The following TTLL9 variants were observed in gnomAD, a reference collection of about 807,000 sequenced individuals.
TTLL9 encodes tubulin tyrosine ligase like 9, also known as probable tubulin polyglutamylase TTLL9.
Under a neutral mutation model 65.6 loss-of-function variants are expected in TTLL9, and 47 were observed. The ratio of observed to expected loss-of-function variants is 0.72; its 90% CI spans 0.57 to 0.91. TTLL9 has a LOEUF of 0.91. TTLL9 is among the 40% of genes least tolerant of loss of function. TTLL9 has a pLI of 0.00. For synonymous variants in TTLL9, 179 were observed against 204.8 expected, an observed-to-expected ratio of 0.87 and a Z score of 1.07; for missense variants, 537 against 568.8, an observed-to-expected ratio of 0.94 and a Z score of 0.57.
chr20:31,873,516 G>C (rs1286344212), intron 2 of TTLL9, among the ~76,000 whole-genome samples: 2 of 151,732 alleles, frequency 1.3e-5, no homozygotes, highest in African/African-American at 4.8e-5. Flanking sequence ...AAAATTAGCC[G>C]GGTGTGGTGG....
chr20:31,930,639 C>T (rs945775203), intron 10 of TTLL9, among the ~76,000 whole-genome samples: 1 of 152,158 alleles, frequency 6.6e-6, no homozygotes, highest in African/African-American at 2.4e-5. Context: ...TTAATTTTTG[C>T]ATTGACATCT....
At chr20:31,893,229 A>G (rs1177018576) in intron 3 of TTLL9, among the ~76,000 whole-genome samples, 2 of 151,900 alleles carry the variant, frequency 1.3e-5, no homozygotes, top group Non-Finnish European at 2.9e-5. Context: ...AGCACTTGAA[A>G]GATGATATTC....
At chr20:31,913,935 G>A (rs1401146755) in intron 6 of TTLL9, among the ~76,000 whole-genome samples, 2 of 152,190 alleles carry the variant, frequency 1.3e-5, no homozygotes, top group Non-Finnish European at 2.9e-5. Flanking sequence ...GCGGGGAGGC[G>A]ACTGCTTGGC....
intron 13 of TTLL9, 30 bp downstream of exon 13, chr20:31,937,539 C>A: frequency 6.4e-7 from 1 of 1,563,870 alleles, no homozygotes; most frequent in Non-Finnish European, 8.8e-7. Flanking sequence ...ATCACATGTC[C>A]TTGTACATGA....
chr20:31,943,793 C>T lies in TTLL9; in HGVS notation c.*772C>T. 2.2e-6 allele frequency: 1 copy of T among 456,628 alleles called. No individual in the cohort carries two copies. Among genetic ancestry groups the T allele is most frequent in the South Asian group, 1.5e-5 (1 of 64,564 alleles). The allele number at this position is 456,628 out of a possible 1,614,324, so 28.3% of individuals were successfully genotyped here. A position where few individuals can be genotyped will look rare whatever the true frequency, so the allele number is the denominator to read the frequency against. On this transcript the variant is annotated 3_prime_UTR_variant, in exon 15 of 15. Coordinates refer to ENST00000535842, the MANE Select transcript of TTLL9 (RefSeq NM_001008409.5). The stretch of plus-strand genomic sequence containing the variant: ...CTTGTGTTTGAGATTGGGAGCTGAG[C>T]CAGAAACCGGAAAACCCTGGGCTCA...
chr20:31,910,000 C>T, intron 6 of TTLL9, 78 bp downstream of exon 6: 1 of 1,420,132 alleles, frequency 7.0e-7, no homozygotes, highest in Non-Finnish European at 9.7e-7. Context: ...GCAGACACTG[C>T]CTGGGAATTC....
chr20:31,870,709 G>C lies in TTLL9; in HGVS notation c.-246G>C. On this transcript the variant is annotated 5_prime_UTR_variant, in exon 1 of 15. Transcript: ENST00000535842. The surrounding 1 kb of genome is among the most constrained non-coding windows in gnomAD (Gnocchi z 6.6). The stretch of plus-strand genomic sequence containing the variant: ...GTGGGGCCGCCACCTCCGGAGGTGG[G>C]GGCGGGGGCCTTACCCCACCCTGGC... 4 of 754,202 alleles carry C rather than the reference G, an allele frequency of 5.3e-6. No homozygotes were observed. The highest frequency in any genetic ancestry group is 3.4e-5 in the East Asian group (1 of 29,194). The allele number at this position is 754,202 out of a possible 1,614,324, so 46.7% of individuals were successfully genotyped here.
Position 31,880,496 on chromosome 20 carries a change from C to CT in TTLL9, c.70-6685dup, listed in dbSNP as rs781656694. Among the ~76,000 whole-genome samples the CT allele has an allele frequency of 4.8e-3, 684 of 142,884 alleles. 1 individual carries two copies. Among genetic ancestry groups the CT allele is most frequent in the African/African-American group, 9.3e-3 (365 of 39,296 alleles). The allele number at this position is 142,884 out of a possible 152,430, so 93.7% of individuals were successfully genotyped here. A position where few individuals can be genotyped will look rare whatever the true frequency, so the allele number is the denominator to read the frequency against. Reference sequence around the variant, plus strand: ...ATTCAGCTCTCCGCACCCCAACCGACTTTTTTTTTTTTTTTGAGACGGAGT... The same window carrying CT: ...ATTCAGCTCTCCGCACCCCAACCGACTTTTTTTTTTTTTTTTGAGACGGAGT... On this transcript the variant is annotated intron_variant, in intron 2 of 14. Coordinates refer to ENST00000535842, the MANE Select transcript of TTLL9 (RefSeq NM_001008409.5).
chr20:31,911,899 C>A (rs1013446358), intron 6 of TTLL9, among the ~76,000 whole-genome samples: 3 of 150,910 alleles, frequency 2.0e-5, no homozygotes, highest in Admixed American at 6.6e-5. Flanking sequence ...TTGCGAGGCA[C>A]CCTGTCTCGG....
At chr20:31,932,826 A>G (rs1038544292) in intron 10 of TTLL9, among the ~76,000 whole-genome samples, 2 of 152,162 alleles carry the variant, frequency 1.3e-5, no homozygotes, top group Middle Eastern at 6.8e-3. Flanking sequence ...GTGAAACCCC[A>G]TCTCTACTAA....
Position 31,870,953 on chromosome 20 carries a change from G to C in TTLL9, c.-6+4G>C. On this transcript the variant is annotated splice_donor_region_variant and intron_variant, in intron 1 of 14. Transcript: ENST00000535842. The surrounding 1 kb of genome is among the most constrained non-coding windows in gnomAD (Gnocchi z 6.6). ...GAGTCTGCTTGGAACGGGATAAGTG[G>C]GTAATTCCTTCCGATACATCCTCTC... The C allele has an allele frequency of 1.5e-6, 1 of 688,026 alleles. No homozygotes were observed. 42.6% of individuals were successfully genotyped at this position (688,026 alleles called of 1,614,324 possible). A position where few individuals can be genotyped will look rare whatever the true frequency, so the allele number is the denominator to read the frequency against.
intron 14 of TTLL9, chr20:31,939,489 A>C: frequency 2.5e-6 from 1 of 397,142 alleles, no homozygotes; most frequent in Non-Finnish European, 4.5e-6. Flanking sequence ...ATTCACACTC[A>C]TTGTAGAATA....
chr20:31,912,268 G>C (rs1323424047), intron 6 of TTLL9, among the ~76,000 whole-genome samples: 1 of 152,140 alleles, frequency 6.6e-6, no homozygotes, highest in African/African-American at 2.4e-5. Flanking sequence ...TACAGTGCCC[G>C]TGCAGCATCC....
At chr20:31,872,078 G>A (rs1230914436) in intron 2 of TTLL9, among the ~76,000 whole-genome samples, 1 of 152,110 alleles carries the variant, frequency 6.6e-6, no homozygotes, top group Non-Finnish European at 1.5e-5. Flanking sequence ...TATGCAGCTA[G>A]TAGCTACATA....
chr20:31,896,887 G>A (rs1444632463), intron 3 of TTLL9, among the ~76,000 whole-genome samples: 1 of 152,124 alleles, frequency 6.6e-6, no homozygotes, highest in African/African-American at 2.4e-5. Flanking sequence ...ACTCCGCTTG[G>A]TTATGGTGTA....
intron 10 of TTLL9, among the ~76,000 whole-genome samples, chr20:31,932,773 G>A (rs911329798): frequency 1.3e-5 from 2 of 152,072 alleles, no homozygotes; most frequent in African/African-American, 4.8e-5. Flanking sequence ...GAGGCGGGTG[G>A]ATTACTTGAG....
chr20:31,884,491 T>C (rs750039111), intron 2 of TTLL9, among the ~76,000 whole-genome samples: 27 of 152,150 alleles, frequency 1.8e-4, no homozygotes, highest in Admixed American at 4.6e-4. Context: ...CCTCCCAAAG[T>C]GCTGGGATTA....
intron 3 of TTLL9, among the ~76,000 whole-genome samples, chr20:31,890,650 A>G (rs2063296818): frequency 6.6e-6 from 1 of 152,218 alleles, no homozygotes; most frequent in African/African-American, 2.4e-5. Flanking sequence ...AAGGTGCATC[A>G]TCGACAGGTA....
chr20:31,934,585 C>A, intron 11 of TTLL9, 107 bp from the exon 12 acceptor site: 2 of 1,094,808 alleles, frequency 1.8e-6, no homozygotes, highest in Non-Finnish European at 2.6e-6. Flanking sequence ...CTGGGCCCCT[C>A]TTGCCCAGGT....
Sources: allele counts gnomAD v4.1 joint callset (sites outside exome capture counted in the v4.1 genomes callset), GRCh38; gene constraint gnomAD v4.1.1; non-coding constraint Gnocchi (gnomAD v3.1); transcripts MANE v1.5; gene names NCBI Gene and HGNC (gene_info 2026-07-23, HGNC 2026-07-21).